EBF2: variants seen among roughly 807,000 people sequenced by gnomAD.
The protein encoded by EBF2 is transcription factor COE2.
EBF2 carries 21 observed loss-of-function variants against 72.8 expected under a neutral mutation model. The ratio of observed to expected loss-of-function variants is 0.29; its 90% confidence interval spans 0.20 to 0.42. The LOEUF (loss-of-function observed/expected upper bound fraction) is 0.42. Among genes scored for constraint, EBF2 ranks in the 10% least tolerant of loss-of-function variants. EBF2 has a pLI of 1.00. For synonymous variants in EBF2, 299 were observed against 274.2 expected (o/e 1.09, Z -0.89); for missense variants, 637 against 731.2 (o/e 0.87, Z 1.49).
At chr8:25,886,713 A>T in intron 10 of EBF2, 42 bp downstream of exon 10, 6 of 1,581,936 alleles carry the variant, frequency 3.8e-6, no homozygotes, top group Non-Finnish European at 5.2e-6. Flanking sequence ...GCGCAAAGGC[A>T]AACCAGAAGC....
intron 14 of EBF2, among the ~76,000 whole-genome samples, chr8:25,853,517 G>C (rs1802025189): frequency 6.6e-6 from 1 of 150,376 alleles, no homozygotes; most frequent in Non-Finnish European, 1.5e-5. Context: ...TAACAGGGCG[G>C]GGAAACATAT....
At chr8:25,977,490 C>T (rs916806958) in intron 6 of EBF2, among the ~76,000 whole-genome samples, 10 of 152,144 alleles carry the variant, frequency 6.6e-5, no homozygotes, top group Non-Finnish European at 1.5e-5. Flanking sequence ...AGCCACAAAA[C>T]CCTCAATCTT....
intron 6 of EBF2, among the ~76,000 whole-genome samples, chr8:26,002,853 GGCGGGCA>G (rs1804756139): frequency 2.2e-5 from 2 of 89,504 alleles, no homozygotes; most frequent in Non-Finnish European, 5.7e-5. Context: ...CAGGCAGGCA[GGCGGGCA>G]GGCGGGCAGG....
intron 7 of EBF2, among the ~76,000 whole-genome samples, chr8:25,892,596 G>T (rs551310230): frequency 2.0e-5 from 3 of 152,182 alleles, no homozygotes; most frequent in African/African-American, 7.2e-5. Context: ...AGAGTTTTTT[G>T]ATGACATCTT....
intron 10 of EBF2, among the ~76,000 whole-genome samples, chr8:25,864,808 T>C (rs1802277697): frequency 6.6e-6 from 1 of 151,620 alleles, no homozygotes; most frequent in Non-Finnish European, 1.5e-5. Context: ...TATTTTTTTT[T>C]TTTTTTTGAG....
At chr8:25,957,032 T>C (rs1803960501) in intron 6 of EBF2, among the ~76,000 whole-genome samples, 1 of 152,226 alleles carries the variant, frequency 6.6e-6, no homozygotes, top group African/African-American at 2.4e-5. Flanking sequence ...AAGGGCCACA[T>C]TTATTGCTGT....
intron 7 of EBF2, among the ~76,000 whole-genome samples, chr8:25,902,015 T>C (rs543895067): frequency 1.8e-4 from 27 of 152,352 alleles, no homozygotes; most frequent in African/African-American, 6.5e-4. Context: ...ATCAGTAATA[T>C]TGGCTGGGTG....
At chr8:26,038,023 C>T (rs1171790987) in intron 5 of EBF2, among the ~76,000 whole-genome samples, 1 of 152,224 alleles carries the variant, frequency 6.6e-6, no homozygotes, top group Admixed American at 6.5e-5. Context: ...ATTCATCTCT[C>T]AATCATTGAC....
At chr8:26,041,762 A>C (rs1246076919) in intron 2 of EBF2, among the ~76,000 whole-genome samples, 1 of 152,206 alleles carries the variant, frequency 6.6e-6, no homozygotes, top group Non-Finnish European at 1.5e-5. Context: ...AATAATTAAA[A>C]TTAACCCAGA....
chr8:25,941,299 G>T (rs563780913), intron 6 of EBF2, among the ~76,000 whole-genome samples: 48 of 150,898 alleles, frequency 3.2e-4, no homozygotes, highest in African/African-American at 1.0e-3. Context: ...TCCGCCTCCC[G>T]GGTTCAAGTG....
At chr8:25,941,231 G>T (rs971787702) in intron 6 of EBF2, among the ~76,000 whole-genome samples, 1 of 150,132 alleles carries the variant, frequency 6.7e-6, no homozygotes, top group Non-Finnish European at 1.5e-5. Flanking sequence ...TTCGAGACAG[G>T]GTCTTGCTCT....
rs1804309271 is a variant in EBF2 at position 25,978,777 on chromosome 8, A to T, written c.551+54308T>A. 2.6e-5 allele frequency among the ~76,000 whole-genome samples: 4 copies of T among 152,224 alleles called. No homozygotes were observed. The South Asian group carries it at 6.2e-4, about 24-fold the overall frequency. ...GTATCAAATGCTGTCATTGCAGTTA[A>T]TCAGAAGCAACACAAAGGGGCCCTT... On this transcript the variant is annotated intron_variant, in intron 6 of 15. Coordinates refer to ENST00000520164, the MANE Select transcript of EBF2 (RefSeq NM_022659.4).
intron 6 of EBF2, among the ~76,000 whole-genome samples, chr8:26,012,268 A>G (rs1339244584): frequency 6.6e-6 from 1 of 152,192 alleles, no homozygotes; most frequent in Non-Finnish European, 1.5e-5. Flanking sequence ...TTTGCTTAGT[A>G]TATATAAATA....
intron 6 of EBF2, among the ~76,000 whole-genome samples, chr8:25,957,198 C>T (rs1803963405): frequency 1.3e-5 from 2 of 152,176 alleles, no homozygotes; most frequent in African/African-American, 2.4e-5. Flanking sequence ...TGCCATTTCC[C>T]CCCCAAGAGC....
At chr8:25,875,284 A>G (rs1350396064) in intron 10 of EBF2, among the ~76,000 whole-genome samples, 7 of 152,218 alleles carry the variant, frequency 4.6e-5, no homozygotes, top group African/African-American at 1.7e-4. Flanking sequence ...ATTTATATAC[A>G]TAAATACCTT....
At chr8:25,918,233 T>A (rs1367050676) in intron 6 of EBF2, among the ~76,000 whole-genome samples, 1 of 152,238 alleles carries the variant, frequency 6.6e-6, no homozygotes, top group African/African-American at 2.4e-5. Flanking sequence ...CACTCTCCAA[T>A]GACCTTGAGA....
At chr8:25,878,337 C>T (rs1017835445) in intron 10 of EBF2, among the ~76,000 whole-genome samples, 3 of 152,300 alleles carry the variant, frequency 2.0e-5, no homozygotes, top group African/African-American at 7.2e-5. Flanking sequence ...GTGCGTGGGT[C>T]AGTGCTTCAG....
Position 25,895,262 on chromosome 8 carries a change from C to T in EBF2, c.634-5393G>A, listed in dbSNP as rs577414643. 6.6e-4 allele frequency among the ~76,000 whole-genome samples: 101 copies of T among 152,302 alleles called. No homozygotes were observed. The Middle Eastern group carries it at 0.01, about 15-fold the overall frequency. ...AACCAATTTATTTAGGACAAAGTAC[C>T]TTTAACCCAAGTTTCTGAGAGAGAA... On this transcript the variant is annotated intron_variant, in intron 7 of 15. Transcript: ENST00000520164.
chr8:26,034,326 C>T (rs1805460945), intron 5 of EBF2, among the ~76,000 whole-genome samples: 1 of 152,108 alleles, frequency 6.6e-6, no homozygotes, highest in South Asian at 2.1e-4. Flanking sequence ...AAATGGTATC[C>T]CACTGTTTGT....
Sources: gnomAD v4.1 joint callset for allele counts (sites outside exome capture counted in the v4.1 genomes callset) on GRCh38, gnomAD v4.1.1 for gene constraint, MANE v1.5 for transcripts, NCBI Gene and HGNC (gene_info 2026-07-23, HGNC 2026-07-21) for gene names.